CNGA3: variants seen among roughly 807,000 people sequenced by gnomAD.
The protein encoded by CNGA3 is cyclic nucleotide-gated channel alpha-3.
In CNGA3, 42 loss-of-function variants were observed where a neutral mutation model predicts 46.6. The observed-to-expected ratio is 0.90, with a 90% CI of 0.70 to 1.17. The LOEUF (loss-of-function observed/expected upper bound fraction) is 1.17. CNGA3 is among the 50% of genes most tolerant of loss of function. The pLI is 0.00. For synonymous variants in CNGA3, 394 were observed against 369.4 expected (o/e 1.07, Z -0.76); for missense variants, 893 against 890.7 (o/e 1.00, Z -0.03).
At chr2:98,348,491 G>A (rs1004276111) in intron 1 of CNGA3, among the ~76,000 whole-genome samples, 1 of 152,328 alleles carries the variant, frequency 6.6e-6, no homozygotes, top group East Asian at 1.9e-4. Context: ...AGCTCTGGCC[G>A]CTAGTTTCCC....
intron 2 of CNGA3, among the ~76,000 whole-genome samples, chr2:98,372,213 C>T (rs1692303534): frequency 6.6e-6 from 1 of 152,238 alleles, no homozygotes; most frequent in Non-Finnish European, 1.5e-5. Context: ...CCTGGTTCTG[C>T]TTTGGCCAGT....
rs1427479760 is a variant in CNGA3 at position 98,379,813 on chromosome 2, T to C, written c.216-362T>C. 9.3e-6 allele frequency: 3 copies of C among 321,220 alleles called. No individual in the cohort carries two copies. In the East Asian group the frequency reaches 2.1e-4, roughly 22 times the overall value. 19.9% of individuals were successfully genotyped at this position (321,220 alleles called of 1,614,324 possible). On this transcript the variant is annotated intron_variant, in intron 3 of 7. Coordinates refer to ENST00000272602, the MANE Select transcript of CNGA3 (RefSeq NM_001298.3). Reference sequence around the variant, plus strand: ...TTACTCTTCCTGCACTTGGCAGTCATAACAAAGAGCTCTCCATTGGGCAAA... The same window carrying C: ...TTACTCTTCCTGCACTTGGCAGTCACAACAAAGAGCTCTCCATTGGGCAAA...
intron 1 of CNGA3, among the ~76,000 whole-genome samples, chr2:98,367,552 G>A (rs140559884): frequency 1.1e-4 from 17 of 152,166 alleles, no homozygotes; most frequent in African/African-American, 4.1e-4. Flanking sequence ...TACTTTTAAT[G>A]AGTACAATTT....
chr2:98,375,458 T>C (rs1343085999), intron 2 of CNGA3, among the ~76,000 whole-genome samples: 1 of 152,206 alleles, frequency 6.6e-6, no homozygotes, highest in Non-Finnish European at 1.5e-5. Context: ...TCCAAGGACC[T>C]CTGCCACCTC....
intron 6 of CNGA3, 82 bp from the exon 7 acceptor site, chr2:98,391,782 C>A: frequency 7.4e-7 from 1 of 1,349,098 alleles, no homozygotes; most frequent in Non-Finnish European, 1.1e-6. Flanking sequence ...GCGTCTTCCA[C>A]ACAGAGCCCG....
At chr2:98,395,801 G>A in intron 7 of CNGA3, 43 bp from the exon 8 acceptor site, 2 of 1,579,758 alleles carry the variant, frequency 1.3e-6, no homozygotes, top group Non-Finnish European at 1.7e-6. Context: ...GTCAAAAAAA[G>A]TCAGCCTCTG....
chr2:98,397,263 G>A lies in CNGA3; in HGVS notation c.*8G>A. 1 of 1,613,142 alleles carries A rather than the reference G, an allele frequency of 6.2e-7. No homozygotes were observed. The highest frequency in any genetic ancestry group is 8.5e-7 in the Non-Finnish European group (1 of 1,179,838). On this transcript the variant is annotated 3_prime_UTR_variant, in exon 8 of 8. Transcript: ENST00000272602. Reference sequence around the variant, plus strand: ...GAGGACAAACAACAGTGAAAATGCAGCATCTGTCTCCTGCTTCACAGGGTC... The same window carrying A: ...GAGGACAAACAACAGTGAAAATGCAACATCTGTCTCCTGCTTCACAGGGTC...
chr2:98,367,170 T>TA lies in CNGA3; in HGVS notation c.-37-2769_-37-2768insA, dbSNP rs1285825841. Reference sequence around the variant, plus strand: ...GTGAGAACCTCTGACATCAGCTGTTTTTTTTCTTTTTTTTCTTTTTTTTTT... The same window carrying TA: ...GTGAGAACCTCTGACATCAGCTGTTTATTTTTCTTTTTTTTCTTTTTTTTTT... On this transcript the variant is annotated intron_variant, in intron 1 of 7. Transcript: ENST00000272602. Among the ~76,000 whole-genome samples, 76 of 119,142 alleles carry TA rather than the reference T, an allele frequency of 6.4e-4. 5 individuals carry two copies. The highest frequency in any genetic ancestry group is 8.5e-4 in the Non-Finnish European group (47 of 55,036). 78.2% of individuals were successfully genotyped at this position (119,142 alleles called of 152,430 possible).
intron 1 of CNGA3, among the ~76,000 whole-genome samples, chr2:98,360,514 C>G (rs1692006294): frequency 6.6e-6 from 1 of 152,252 alleles, no homozygotes; most frequent in Admixed American, 6.5e-5. Context: ...ACTTGACTGT[C>G]AGCTCCTGGA....
chr2:98,371,308 T>C (rs1439325366), intron 2 of CNGA3, among the ~76,000 whole-genome samples: 1 of 152,206 alleles, frequency 6.6e-6, no homozygotes, highest in Non-Finnish European at 1.5e-5. Context: ...CTCCCTGCAC[T>C]GGGCCCTCGT....
In CNGA3 at chr2:98,383,378, C is replaced by A; in HGVS notation, c.396-10C>A. ...TTCAGACCCTTGATGTTCTCTCTAC[C>A]TTCCCGCAGCGCCTGGCCCCTGGCC... On this transcript the variant is annotated splice_polypyrimidine_tract_variant and intron_variant, in intron 4 of 7. Transcript: ENST00000272602. The A allele has an allele frequency of 1.2e-6, 2 of 1,614,074 alleles. No individual in the cohort carries two copies. Among genetic ancestry groups the A allele is most frequent in the Non-Finnish European group, 1.7e-6 (2 of 1,179,970 alleles).
intron 1 of CNGA3, among the ~76,000 whole-genome samples, chr2:98,367,261 C>T (rs1015140384): frequency 6.8e-6 from 1 of 146,536 alleles, no homozygotes; most frequent in East Asian, 2.0e-4. Context: ...GTGGCGCGAT[C>T]TCGGCTCACC....
rs183033704 is a variant in CNGA3, at chr2:98,389,908, C to T, written c.566+134C>T. On this transcript the variant is annotated intron_variant, in intron 6 of 7. Coordinates refer to ENST00000272602, the MANE Select transcript of CNGA3 (RefSeq NM_001298.3). The stretch of plus-strand genomic sequence containing the variant: ...CGGCCACCACTTAGTTATTGTGCCT[C>T]GGTTTCTCCTTTTAAAAATAGAAGG... 1.2e-3 allele frequency: 745 copies of T among 647,108 alleles called. 1 individual carries two copies. Among genetic ancestry groups the T allele is most frequent in the Non-Finnish European group, 1.5e-3 (538 of 367,742 alleles). The allele number at this position is 647,108 out of a possible 1,614,324, so 40.1% of individuals were successfully genotyped here.
chr2:98,376,888 T>C (rs998237414), intron 2 of CNGA3, among the ~76,000 whole-genome samples: 1 of 152,172 alleles, frequency 6.6e-6, no homozygotes, highest in Non-Finnish European at 1.5e-5. Flanking sequence ...TTCCTAGTCT[T>C]ATTCCAGGCA....
intron 2 of CNGA3, among the ~76,000 whole-genome samples, chr2:98,373,945 C>T (rs983075746): frequency 1.3e-5 from 2 of 152,220 alleles, no homozygotes; most frequent in African/African-American, 4.8e-5. Flanking sequence ...TCCCACTTCT[C>T]CAGGACCAAA....
At position 98,370,009 on chromosome 2, in the gene CNGA3, T is replaced by C; in HGVS notation, c.34T>C (p.Ser12Pro). ...GATCAACACCCAATACTCCCACCCC[T>C]CCAGGACCCACCTCAAGGTAAAGAC... ...AKINTQYSHP[S>P]RTHLKVKTSD... The change falls in exon 2 of 8, where the codon TCC (serine) becomes CCC (proline). Residue 12 changes from serine to proline, a missense_variant. Ser to Pro is a moderately conservative substitution (Grantham distance 74). This residue lies in a region of CNGA3 where 333 missense variants were observed against 290.8 expected (regional missense o/e 1.15). Transcript: ENST00000272602. 6.2e-7 allele frequency: 1 copy of C among 1,613,844 alleles called. No homozygotes were observed. Among genetic ancestry groups the C allele is most frequent in the Non-Finnish European group, 8.5e-7 (1 of 1,179,924 alleles).
At chr2:98,355,609 T>C (rs1022389034) in intron 1 of CNGA3, among the ~76,000 whole-genome samples, 1 of 152,258 alleles carries the variant, frequency 6.6e-6, no homozygotes, top group African/African-American at 2.4e-5. Context: ...AGCACTGACA[T>C]GTCTTCTGTA....
rs74687578 is a variant in CNGA3 at position 98,352,433 on chromosome 2, T to A, written c.-38+5899T>A. 4.8e-3 allele frequency among the ~76,000 whole-genome samples: 732 copies of A among 152,328 alleles called. 4 individuals carry two copies. Among genetic ancestry groups the A allele is most frequent in the African/African-American group, 0.017 (694 of 41,558 alleles). Reference sequence around the variant, plus strand: ...AATTCCTGGATCACATGGTAACTCATGTTTAACATTTTGAGGAACTGCCCA... The same window carrying A: ...AATTCCTGGATCACATGGTAACTCAAGTTTAACATTTTGAGGAACTGCCCA... On this transcript the variant is annotated intron_variant, in intron 1 of 7. Coordinates refer to ENST00000272602, the MANE Select transcript of CNGA3 (RefSeq NM_001298.3).
intron 1 of CNGA3, among the ~76,000 whole-genome samples, chr2:98,366,605 G>A (rs2104164765): frequency 6.6e-6 from 1 of 152,342 alleles, no homozygotes; most frequent in South Asian, 2.1e-4. Flanking sequence ...TTCCAGCGGG[G>A]AGGCCCTGCC....
Sources: gnomAD v4.1 joint callset for allele counts (sites outside exome capture counted in the v4.1 genomes callset) on GRCh38, gnomAD v4.1.1 for gene constraint, gnomAD v4.1.1 regional missense constraint, MANE v1.5 for transcripts, NCBI Gene and HGNC (gene_info 2026-07-23, HGNC 2026-07-21) for gene names.